The following MYRIP variants were observed in gnomAD, a reference collection of about 807,000 sequenced individuals.
MYRIP encodes myosin VIIA and Rab interacting protein.
Under a neutral mutation model 98.0 loss-of-function variants are expected in MYRIP, and 49 were observed. That is an observed-to-expected ratio of 0.50 (90% confidence interval 0.40 to 0.63). The LOEUF (loss-of-function observed/expected upper bound fraction) is 0.63. MYRIP is among the 30% of genes least tolerant of loss of function. The pLI is 0.00. For synonymous variants in MYRIP, 404 were observed against 409.5 expected, an observed-to-expected ratio of 0.99 and a Z score of 0.16; for missense variants, 1,004 against 1,058.2, an observed-to-expected ratio of 0.95 and a Z score of 0.71.
chr3:40,203,699 TTA>T (rs1313280006), intron 10 of MYRIP, among the ~76,000 whole-genome samples: 13 of 126,380 alleles, frequency 1.0e-4, no homozygotes, highest in African/African-American at 3.6e-4. Flanking sequence ...ATTTATATTT[TTA>T]TATTTTATAT....
intron 11 of MYRIP, among the ~76,000 whole-genome samples, chr3:40,224,938 G>A (rs1270856297): frequency 6.6e-6 from 1 of 152,228 alleles, no homozygotes; most frequent in Non-Finnish European, 1.5e-5. Flanking sequence ...ACGGGTTTTA[G>A]CGGCATTGCT....
intron 11 of MYRIP, among the ~76,000 whole-genome samples, chr3:40,226,564 G>A (rs1300269182): frequency 6.6e-6 from 1 of 152,184 alleles, no homozygotes; most frequent in Non-Finnish European, 1.5e-5. Context: ...CTGAAGCACA[G>A]GTCTCTCCTG....
intron 2 of MYRIP, 46 bp from the exon 3 acceptor site, chr3:40,044,004 G>A (rs766859045): frequency 6.3e-7 from 1 of 1,580,886 alleles, no homozygotes; most frequent in Non-Finnish European, 8.6e-7. Context: ...CTGACCTGAT[G>A]TTGTGTTTCT....
At chr3:39,870,958 G>A (rs192197240) in intron 1 of MYRIP, among the ~76,000 whole-genome samples, 2 of 152,282 alleles carry the variant, frequency 1.3e-5, no homozygotes, top group Non-Finnish European at 1.5e-5. Flanking sequence ...CTTAATTCCT[G>A]CCAAAGAAAA....
intron 1 of MYRIP, among the ~76,000 whole-genome samples, chr3:39,888,703 T>C (rs1251397342): frequency 1.3e-5 from 2 of 152,042 alleles, no homozygotes; most frequent in East Asian, 3.9e-4. Context: ...CTAAAGAACT[T>C]CTGCACAGCA....
At chr3:40,109,005 G>A (rs755524442) in intron 3 of MYRIP, among the ~76,000 whole-genome samples, 1 of 152,114 alleles carries the variant, frequency 6.6e-6, no homozygotes, top group Non-Finnish European at 1.5e-5. Context: ...CTTTACCTCA[G>A]AGCCTACTGT....
chr3:40,161,364 C>T (rs1950391686), intron 4 of MYRIP, among the ~76,000 whole-genome samples: 1 of 152,158 alleles, frequency 6.6e-6, no homozygotes, highest in African/African-American at 2.4e-5. Context: ...GTCAGTCTTC[C>T]AAAGACTTTT....
intron 8 of MYRIP, among the ~76,000 whole-genome samples, chr3:40,179,881 T>C (rs199531712): frequency 6.6e-6 from 1 of 152,386 alleles, no homozygotes; most frequent in East Asian, 1.9e-4. Context: ...TCCCTCTTGA[T>C]ACATGGAGGT....
rs113547605 is a variant in MYRIP at position 40,256,791 on chromosome 3, A to G, written c.2548-1343A>G. On this transcript the variant is annotated intron_variant, in intron 16 of 16. Transcript: ENST00000302541. ...ATTTTTTTTTTAAGGAACAATTCCC[A>G]TACCATATAAAATATTCCAGGTCAT... Among the ~76,000 whole-genome samples, 996 of 152,232 alleles carry G rather than the reference A, an allele frequency of 6.5e-3. 4 individuals are homozygous for G. Among genetic ancestry groups the G allele is most frequent in the African/African-American group, 0.013 (530 of 41,528 alleles).
chr3:40,200,396 A>G (rs911242882), intron 10 of MYRIP, among the ~76,000 whole-genome samples: 61 of 152,176 alleles, frequency 4.0e-4, no homozygotes, highest in Non-Finnish European at 1.8e-4. Flanking sequence ...TCTTCTCTCT[A>G]GGGAGGAAAA....
chr3:40,052,924 A>G (rs1242273173), intron 3 of MYRIP, among the ~76,000 whole-genome samples: 1 of 152,164 alleles, frequency 6.6e-6, no homozygotes, highest in Non-Finnish European at 1.5e-5. Context: ...TATAATCACT[A>G]TGTAATAAGG....
At chr3:40,194,111 T>A (rs778626236) in intron 10 of MYRIP, among the ~76,000 whole-genome samples, 1 of 152,110 alleles carries the variant, frequency 6.6e-6, no homozygotes, top group Non-Finnish European at 1.5e-5. Context: ...ATTTCCTTTA[T>A]TATTTTTGTA....
chr3:39,912,288 C>G (rs531054045), intron 2 of MYRIP, among the ~76,000 whole-genome samples: 49 of 152,274 alleles, frequency 3.2e-4, no homozygotes, highest in African/African-American at 1.2e-3. Flanking sequence ...GGTGATGTGC[C>G]CAGTAGGTTG....
At chr3:40,213,001 A>C (rs1245033642) in intron 11 of MYRIP, among the ~76,000 whole-genome samples, 2 of 152,158 alleles carry the variant, frequency 1.3e-5, no homozygotes, top group Non-Finnish European at 2.9e-5. Context: ...TTAATGGCTT[A>C]CCTCACTGCT....
At chr3:39,985,577 C>A (rs1225248595) in intron 2 of MYRIP, among the ~76,000 whole-genome samples, 2 of 137,134 alleles carry the variant, frequency 1.5e-5, no homozygotes, top group Admixed American at 1.5e-4. Flanking sequence ...GCTACAGTAA[C>A]CAAAACAGCA....
intron 10 of MYRIP, among the ~76,000 whole-genome samples, chr3:40,196,666 A>C (rs1040779873): frequency 6.6e-6 from 1 of 152,224 alleles, no homozygotes; most frequent in African/African-American, 2.4e-5. Context: ...TAGAAGGAAC[A>C]CATGTTCTCT....
chr3:40,239,111 T>A (rs1952917863), intron 12 of MYRIP, among the ~76,000 whole-genome samples: 1 of 142,484 alleles, frequency 7.0e-6, no homozygotes, highest in African/African-American at 2.6e-5. Flanking sequence ...CCTGTGTCCA[T>A]GTGTTCTCAT....
intron 4 of MYRIP, among the ~76,000 whole-genome samples, chr3:40,151,487 T>A (rs1323955684): frequency 6.6e-6 from 1 of 152,230 alleles, no homozygotes; most frequent in African/African-American, 2.4e-5. Context: ...TTGATCATCA[T>A]CCCTTAATGA....
intron 2 of MYRIP, among the ~76,000 whole-genome samples, chr3:39,916,695 T>C (rs1944169874): frequency 6.6e-6 from 1 of 152,098 alleles, no homozygotes; most frequent in African/African-American, 2.4e-5. Context: ...TTTGTAATCT[T>C]ATTGGGTTTA....
Sources: gnomAD v4.1 joint callset for allele counts (sites outside exome capture counted in the v4.1 genomes callset) on GRCh38, gnomAD v4.1.1 for gene constraint, MANE v1.5 for transcripts, NCBI Gene and HGNC (gene_info 2026-07-23, HGNC 2026-07-21) for gene names.